ESRRG: variants seen among roughly 807,000 people sequenced by gnomAD.
ESRRG encodes estrogen related receptor gamma.
In ESRRG, 13 loss-of-function variants were observed where a neutral mutation model predicts 44.0. The ratio of observed to expected loss-of-function variants is 0.30; its 90% CI spans 0.19 to 0.47. ESRRG has a LOEUF of 0.47. ESRRG is among the 20% of genes least tolerant of loss of function. The pLI is 1.00. For synonymous variants in ESRRG, 215 were observed against 214.6 expected (o/e 1.00, Z -0.02); for missense variants, 395 against 580.6 (o/e 0.68, Z 3.29).
chr1:216,529,576 C>A (rs2149089031), intron 5 of ESRRG, among the ~76,000 whole-genome samples: 1 of 149,724 alleles, frequency 6.7e-6, no homozygotes, highest in East Asian at 1.9e-4. Context: ...GTCGAAGAGG[C>A]AATCCCAGCT....
intron 1 of ESRRG, among the ~76,000 whole-genome samples, chr1:217,030,868 G>A (rs1367076555): frequency 6.6e-6 from 1 of 152,178 alleles, no homozygotes; most frequent in Non-Finnish European, 1.5e-5. Flanking sequence ...TAATATTTAG[G>A]ATAAACAGAA....
intron 1 of ESRRG, among the ~76,000 whole-genome samples, chr1:217,102,730 A>G (rs1051812357): frequency 3.9e-5 from 6 of 152,226 alleles, no homozygotes; most frequent in Admixed American, 6.5e-5. Context: ...ATTCACAGGT[A>G]AATCTGGTAT....
chr1:217,100,403 G>A (rs989687351), intron 1 of ESRRG, among the ~76,000 whole-genome samples: 3 of 152,158 alleles, frequency 2.0e-5, no homozygotes, highest in Non-Finnish European at 4.4e-5. Context: ...GATTCTGTTA[G>A]GTGCCCTTTG....
In ESRRG at chr1:217,075,070, C is replaced by T. The variant is rs530736782; in HGVS notation, c.-106+14437G>A. 5.3e-5 allele frequency among the ~76,000 whole-genome samples: 8 copies of T among 152,260 alleles called. 1 individual carries two copies. Among genetic ancestry groups the T allele is most frequent in the Admixed American group, 3.9e-4 (6 of 15,300 alleles). ...ATCAGCCCTGCTGAACCCACGTACA[C>T]GAAAAGTCAGCCCTCTGGACATGGG... On this transcript the variant is annotated intron_variant, in intron 1 of 7. Transcript: ENST00000359162.
chr1:216,918,751 T>A (rs557288148), intron 2 of ESRRG, among the ~76,000 whole-genome samples: 24 of 151,138 alleles, frequency 1.6e-4, no homozygotes, highest in African/African-American at 4.4e-4. Context: ...AATAAAAAAA[T>A]TTATAAAAGT....
chr1:216,836,093 CAAAAAA>C (rs34241468), intron 2 of ESRRG, among the ~76,000 whole-genome samples: 3 of 97,788 alleles, frequency 3.1e-5, no homozygotes, highest in Admixed American at 1.1e-4. Context: ...GCTGCGATTT[CAAAAAA>C]AAAAAAAAAA....
chr1:216,576,946 T>C (rs2061790942), intron 3 of ESRRG, among the ~76,000 whole-genome samples: 1 of 152,050 alleles, frequency 6.6e-6, no homozygotes, highest in South Asian at 2.1e-4. Context: ...AATATCTCAT[T>C]ATTTTTAAAC....
chr1:217,042,224 T>C (rs1028859449), intron 1 of ESRRG, among the ~76,000 whole-genome samples: 1 of 152,168 alleles, frequency 6.6e-6, no homozygotes, highest in African/African-American at 2.4e-5. Context: ...ATAGAAATTA[T>C]GGAAATAGAG....
At chr1:216,858,253 C>T (rs960635819) in intron 2 of ESRRG, among the ~76,000 whole-genome samples, 23 of 151,190 alleles carry the variant, frequency 1.5e-4, no homozygotes, top group Admixed American at 4.6e-4. Context: ...CTGGCTAACA[C>T]GGTGAAACCC....
intron 3 of ESRRG, among the ~76,000 whole-genome samples, chr1:216,575,892 CTG>C (rs1340936090): frequency 6.6e-6 from 1 of 152,036 alleles, no homozygotes; most frequent in Non-Finnish European, 1.5e-5. Context: ...ATAATGAACA[CTG>C]TTACTCAAAA....
intron 6 of ESRRG, among the ~76,000 whole-genome samples, chr1:216,518,108 A>G (rs1195496118): frequency 6.6e-6 from 1 of 152,164 alleles, no homozygotes; most frequent in Non-Finnish European, 1.5e-5. Context: ...GCCAAATCAC[A>G]AAGTCGTCAT....
chr1:216,935,309 A>G (rs752427091), intron 2 of ESRRG, among the ~76,000 whole-genome samples: 1 of 152,174 alleles, frequency 6.6e-6, no homozygotes, highest in Non-Finnish European at 1.5e-5. Context: ...TAGGCTACCT[A>G]CAACTGCTGT....
intron 5 of ESRRG, among the ~76,000 whole-genome samples, chr1:216,542,382 C>G (rs17042784): frequency 0.17 from 25,404 of 151,784 alleles, 3,498 homozygotes; most frequent in African/African-American, 0.38. Flanking sequence ...GTAGCTATAG[C>G]TCTTAAATAC....
intron 1 of ESRRG, among the ~76,000 whole-genome samples, chr1:217,130,890 T>C (rs1381660962): frequency 1.7e-5 from 2 of 119,344 alleles, no homozygotes; most frequent in Non-Finnish European, 3.5e-5. Flanking sequence ...TGCCTTTTAT[T>C]GTCTTTTTTT....
chr1:216,884,318 C>G (rs780068486), intron 2 of ESRRG, among the ~76,000 whole-genome samples: 1 of 152,234 alleles, frequency 6.6e-6, no homozygotes, highest in Non-Finnish European at 1.5e-5. Flanking sequence ...CCAACAAAAT[C>G]AAATTCACTC....
intron 4 of ESRRG, among the ~76,000 whole-genome samples, chr1:216,564,589 T>C (rs1379411611): frequency 6.8e-6 from 1 of 146,644 alleles, no homozygotes; most frequent in Non-Finnish European, 1.6e-5. Context: ...TAGAATGTAG[T>C]CTTTTTTTTT....
intron 2 of ESRRG, among the ~76,000 whole-genome samples, chr1:216,733,568 C>T (rs990255273): frequency 6.6e-6 from 1 of 152,036 alleles, no homozygotes; most frequent in Non-Finnish European, 1.5e-5. Context: ...TTCATGTGCT[C>T]TTATTGGAGG....
intron 1 of ESRRG, among the ~76,000 whole-genome samples, chr1:217,026,250 C>T (rs1156914324): frequency 3.3e-5 from 5 of 152,180 alleles, no homozygotes; most frequent in Non-Finnish European, 5.9e-5. Context: ...CCTTCTGGAT[C>T]CATCCAATTG....
chr1:216,533,260 G>A (rs2049931651), intron 5 of ESRRG, among the ~76,000 whole-genome samples: 1 of 151,614 alleles, frequency 6.6e-6, no homozygotes, highest in Non-Finnish European at 1.5e-5. Context: ...GGGGTGTGAA[G>A]ATGAGATGAA....
Sources: gnomAD v4.1 joint callset for allele counts (sites outside exome capture counted in the v4.1 genomes callset) on GRCh38, gnomAD v4.1.1 for gene constraint, MANE v1.5 for transcripts, NCBI Gene and HGNC (gene_info 2026-07-23, HGNC 2026-07-21) for gene names.